The following ZBTB34 variants were observed in gnomAD, a reference collection of about 807,000 sequenced individuals.
ZBTB34 encodes the protein zinc finger and BTB domain-containing protein 34.
In ZBTB34, 1 loss-of-function variant was observed where a neutral mutation model predicts 33.4. That is an observed-to-expected ratio of 0.03 (90% CI 0.01 to 0.14). The LOEUF is 0.14. Among genes scored for constraint, ZBTB34 ranks in the 10% least tolerant of loss-of-function variants. ZBTB34 has a pLI of 1.00. For missense variants in ZBTB34, 406 were observed against 657.2 expected, an observed-to-expected ratio of 0.62 and a Z score of 4.18; for synonymous variants, 283 against 253.5, an observed-to-expected ratio of 1.12 and a Z score of -1.11.
At chr9:126,864,319 A>G (rs2033175428) in intron 1 of ZBTB34, among the ~76,000 whole-genome samples, 2 of 152,150 alleles carry the variant, frequency 1.3e-5, no homozygotes, top group South Asian at 2.1e-4. Flanking sequence ...CTAAGAGCTT[A>G]CTTACCATAC....
chr9:126,874,919 G>C lies in ZBTB34; in HGVS notation c.-10-4471G>C, dbSNP rs199865984. Reference sequence around the variant, plus strand: ...TAGCTTTTATCATGGTTTATGATGAGAGAATTAAAACTGATGGATCCCTAG... The same window carrying C: ...TAGCTTTTATCATGGTTTATGATGACAGAATTAAAACTGATGGATCCCTAG... On this transcript the variant is annotated intron_variant, in intron 1 of 1. Coordinates refer to ENST00000319119, the Ensembl canonical transcript of ZBTB34. 5.3e-5 allele frequency among the ~76,000 whole-genome samples: 8 copies of C among 152,296 alleles called. No homozygotes were observed. The East Asian group carries it at 1.5e-3, about 29-fold the overall frequency.
At chr9:126,868,899 G>T (rs1372262174) in intron 1 of ZBTB34, among the ~76,000 whole-genome samples, 2 of 152,166 alleles carry the variant, frequency 1.3e-5, no homozygotes, top group Non-Finnish European at 2.9e-5. Context: ...GTGAGCCAGG[G>T]TCCGGGGCTC....
At chr9:126,876,603 T>C (rs1419817622) in intron 1 of ZBTB34, among the ~76,000 whole-genome samples, 1 of 152,184 alleles carries the variant, frequency 6.6e-6, no homozygotes, top group Non-Finnish European at 1.5e-5. Context: ...TTTATTTAGA[T>C]GAAGTAGACA....
intron 1 of ZBTB34, among the ~76,000 whole-genome samples, chr9:126,865,597 T>C (rs2033190031): frequency 6.6e-6 from 1 of 152,206 alleles, no homozygotes; most frequent in Non-Finnish European, 1.5e-5. Context: ...CTCTGCAGAA[T>C]GGGTCAGCAG....
At position 126,881,957 on chromosome 9, in the gene ZBTB34, T is replaced by G. The variant is rs192327035; in HGVS notation, c.*1043T>G. ...TTCTCCAAGCAGTGTTGTGGTTTTT[T>G]TTGTTTTTGTTTTTTTTCTTTCTCT... On this transcript the variant is annotated 3_prime_UTR_variant, in exon 2 of 2. Transcript: ENST00000319119. 5 of 166,968 alleles carry G rather than the reference T, an allele frequency of 3.0e-5. No individual in the cohort carries two copies. In the East Asian group the frequency reaches 9.6e-4, roughly 32 times the overall value. 10.3% of individuals were successfully genotyped at this position (166,968 alleles called of 1,614,324 possible).
At chr9:126,881,214 C>T (rs2033436499) in exon 2 of ZBTB34, 1 of 339,432 alleles carries the variant, frequency 2.9e-6, no homozygotes, top group South Asian at 3.8e-5. Flanking sequence ...CTGGTTGACC[C>T]TCCATTCTCT....
At position 126,879,307 on chromosome 9, in the gene ZBTB34, ATTG is replaced by A. The variant is rs2033403088; in HGVS notation, c.-10-75_-10-73del. On this transcript the variant is annotated intron_variant, in intron 1 of 1. Transcript: ENST00000319119. The surrounding 1 kb of genome is among the most constrained non-coding windows in gnomAD (Gnocchi z 6.4). ...TAGGAGGTATGATAGCCACAATGGTATTGTTGTTGTAAGCTTGTGTTTATGCCA... is the reference window on the plus strand; with the variant it reads ...TAGGAGGTATGATAGCCACAATGGTATTGTTGTAAGCTTGTGTTTATGCCA... 19 of 1,090,634 alleles carry A rather than the reference ATTG, an allele frequency of 1.7e-5. No individual in the cohort carries two copies. Among genetic ancestry groups the A allele is most frequent in the Admixed American group, 4.6e-5 (2 of 43,702 alleles). 67.6% of individuals were successfully genotyped at this position (1,090,634 alleles called of 1,614,324 possible). A position where few individuals can be genotyped will look rare whatever the true frequency, so the allele number is the denominator to read the frequency against.
chr9:126,865,609 G>A (rs2033190182), intron 1 of ZBTB34, among the ~76,000 whole-genome samples: 1 of 152,216 alleles, frequency 6.6e-6, no homozygotes, highest in African/African-American at 2.4e-5. Flanking sequence ...GGTCAGCAGT[G>A]TGAGAGGATG....
exon 1 of ZBTB34, chr9:126,860,666 G>A (rs1170576062): frequency 6.8e-6 from 1 of 147,824 alleles, no homozygotes; most frequent in Admixed American, 6.7e-5. Flanking sequence ...CCGGAGCGGC[G>A]GGGACTGGCC....
intron 1 of ZBTB34, among the ~76,000 whole-genome samples, chr9:126,876,971 T>G (rs940661783): frequency 3.3e-5 from 5 of 152,230 alleles, no homozygotes; most frequent in Admixed American, 1.3e-4. Flanking sequence ...TAGTTGCACG[T>G]TGTCTTGTCT....
At chr9:126,863,877 C>T (rs184532366) in intron 1 of ZBTB34, among the ~76,000 whole-genome samples, 6 of 152,334 alleles carry the variant, frequency 3.9e-5, no homozygotes, top group Non-Finnish European at 7.3e-5. Context: ...CAAATCCTCT[C>T]AATTAATGAT....
In ZBTB34 at chr9:126,878,369, C is replaced by T. The variant is rs777759267; in HGVS notation, c.-10-1021C>T. On this transcript the variant is annotated intron_variant, in intron 1 of 1. Coordinates refer to ENST00000319119, the Ensembl canonical transcript of ZBTB34. ...CCTGTAATCCCAGCTATTCAGGAGG[C>T]TGAGGCATGAGAATTGCTTGAACCT... Among the ~76,000 whole-genome samples, 9 of 151,970 alleles carry T rather than the reference C, an allele frequency of 5.9e-5. 1 individual carries two copies. In the Middle Eastern group the frequency reaches 0.014, roughly 230 times the overall value.
chr9:126,860,959 A>G (rs2033134918), intron 1 of ZBTB34, among the ~76,000 whole-genome samples: 1 of 151,356 alleles, frequency 6.6e-6, no homozygotes, highest in South Asian at 2.1e-4. Flanking sequence ...TGCTGGGGTC[A>G]GGCGCGCGTC....
intron 1 of ZBTB34, among the ~76,000 whole-genome samples, chr9:126,878,090 C>A (rs2033385983): frequency 6.6e-6 from 1 of 151,946 alleles, no homozygotes; most frequent in Non-Finnish European, 1.5e-5. Flanking sequence ...AATCCTAGCA[C>A]TTTGGGAAGC....
intron 1 of ZBTB34, among the ~76,000 whole-genome samples, chr9:126,877,836 C>A (rs1187205713): frequency 6.6e-6 from 1 of 151,730 alleles, no homozygotes; most frequent in African/African-American, 2.4e-5. Context: ...GAAACCCCAT[C>A]TCTACTGAAA....
intron 1 of ZBTB34, among the ~76,000 whole-genome samples, chr9:126,861,990 T>TA (rs1304889315): frequency 6.6e-6 from 1 of 152,206 alleles, no homozygotes; most frequent in Non-Finnish European, 1.5e-5. Context: ...AAGGCACACT[T>TA]ACAGTCTCCA....
At chr9:126,869,692 A>G (rs145975418) in intron 1 of ZBTB34, among the ~76,000 whole-genome samples, 111 of 152,314 alleles carry the variant, frequency 7.3e-4, no homozygotes, top group African/African-American at 2.6e-3. Context: ...TTGTGTGGTC[A>G]CGGCAGAGGC....
chr9:126,882,973 G>A (rs1235137481), exon 2 of ZBTB34: 2 of 166,938 alleles, frequency 1.2e-5, no homozygotes, highest in Non-Finnish European at 1.5e-5. Flanking sequence ...CGCTGCTCCC[G>A]AGGAGCGGCT....
At chr9:126,868,940 T>TA (rs1271226688) in intron 1 of ZBTB34, among the ~76,000 whole-genome samples, 1 of 152,048 alleles carries the variant, frequency 6.6e-6, no homozygotes, top group Non-Finnish European at 1.5e-5. Flanking sequence ...AAGCTGTGAA[T>TA]ATGGAGGGCA....
Sources: gnomAD v4.1 joint callset for allele counts (sites outside exome capture counted in the v4.1 genomes callset) on GRCh38, gnomAD v4.1.1 for gene constraint, Gnocchi (gnomAD v3.1) non-coding constraint, MANE v1.5 for transcripts, NCBI Gene and HGNC (gene_info 2026-07-23, HGNC 2026-07-21) for gene names.